Variants in MYH14 observed in about 807,000 individuals in gnomAD.
The protein encoded by MYH14 is myosin-14.
A neutral mutation model predicts 255.5 loss-of-function variants in MYH14; 123 were observed. The observed-to-expected ratio is 0.48, with a 90% CI of 0.42 to 0.56. The LOEUF (loss-of-function observed/expected upper bound fraction) is 0.56, where lower values mean the gene tolerates loss of function less well. Among genes scored for constraint, MYH14 ranks in the 20% least tolerant of loss-of-function variants. MYH14 has a pLI of 0.00. For synonymous variants in MYH14, 1,095 were observed against 1,161.2 expected (o/e 0.94, Z 1.16); for missense variants, 2,423 against 2,802.3 (o/e 0.86, Z 3.06).
intron 10 of MYH14, among the ~76,000 whole-genome samples, chr19:50,241,104 C>T (rs1027759389): frequency 1.8e-4 from 27 of 152,122 alleles, no homozygotes; most frequent in African/African-American, 6.0e-4. Flanking sequence ...GTTGACCAGG[C>T]GGCTGAGGGG....
At position 50,255,768 on chromosome 19, in the gene MYH14, T is replaced by TAATTATCATTTTGAAAATG. The variant is rs2034570342; in HGVS notation, c.2044+452_2044+470dup. Among the ~76,000 whole-genome samples the TAATTATCATTTTGAAAATG allele has an allele frequency of 2.0e-5, 3 of 151,990 alleles. No homozygotes were observed. The South Asian group carries it at 6.3e-4, about 32-fold the overall frequency. On this transcript the variant is annotated intron_variant, in intron 17 of 42. Coordinates refer to ENST00000642316, the MANE Select transcript of MYH14 (RefSeq NM_001145809.2). ...TGTGCTATGAGGACTTAATAAATGATAATTATCATTTTGAAAATGACAGGG... is the reference window on the plus strand; with the variant it reads ...TGTGCTATGAGGACTTAATAAATGATAATTATCATTTTGAAAATGAATTATCATTTTGAAAATGACAGGG...
chr19:50,256,975 C>A (rs143824001), intron 17 of MYH14, among the ~76,000 whole-genome samples: 1,840 of 152,304 alleles, frequency 0.012, 18 homozygotes, highest in Non-Finnish European at 0.02. Flanking sequence ...TTATTGTCAT[C>A]ATTTATTGAT....
chr19:50,232,615 A>G (rs1461781667), intron 10 of MYH14, among the ~76,000 whole-genome samples: 1 of 145,222 alleles, frequency 6.9e-6, no homozygotes. Flanking sequence ...AAAAAAAAAA[A>G]ACAAAAAGAC....
intron 11 of MYH14, among the ~76,000 whole-genome samples, chr19:50,244,641 G>A (rs1207721401): frequency 3.3e-5 from 5 of 151,854 alleles, no homozygotes; most frequent in Non-Finnish European, 7.4e-5. Context: ...CCGCCACCAC[G>A]CCCGGCTAAT....
At chr19:50,309,554 C>T in intron 42 of MYH14, 86 bp from the exon 43 acceptor site, 3 of 839,684 alleles carry the variant, frequency 3.6e-6, no homozygotes, top group Non-Finnish European at 5.8e-6. Context: ...TCTCTCTCTC[C>T]CCCTCATCTC....
intron 27 of MYH14, among the ~76,000 whole-genome samples, chr19:50,275,533 C>T (rs1292665457): frequency 2.0e-5 from 3 of 152,168 alleles, no homozygotes; most frequent in Non-Finnish European, 4.4e-5. Flanking sequence ...AACTGAGGTT[C>T]GAAATGAGTC....
At chr19:50,273,355 C>T (rs1015696543) in intron 27 of MYH14, among the ~76,000 whole-genome samples, 1 of 150,788 alleles carries the variant, frequency 6.6e-6, no homozygotes, top group Non-Finnish European at 1.5e-5. Flanking sequence ...CCTCCCCACA[C>T]CAAACAGCCC....
At chr19:50,292,868 G>C (rs1018177446) in intron 37 of MYH14, among the ~76,000 whole-genome samples, 4 of 151,926 alleles carry the variant, frequency 2.6e-5, no homozygotes, top group African/African-American at 9.7e-5. Context: ...GGAGAAGGCA[G>C]TCAGAAGGCA....
Position 50,249,130 on chromosome 19 carries a change from G to T in MYH14, c.1473G>T (p.Glu491Asp). 6.3e-7 allele frequency: 1 copy of T among 1,582,394 alleles called. No individual in the cohort carries two copies. Residue 491 changes from glutamate (E) to aspartate (D), a missense_variant, in exon 13 of 43, where the codon GAG (glutamate) becomes GAT (aspartate). Physicochemically the swap from Glu to Asp is conservative, Grantham distance 45. Around this residue, in one of 3 missense-constraint regions of MYH14, gnomAD observed 672 missense variants for 881.8 expected, o/e 0.76. Transcript: ENST00000642316. ...GCATCCTGGACATCGCGGGCTTTGA[G>T]ATCTTCCAGGTCCACCCTTGTGCTG... is the stretch of plus-strand genomic sequence containing the variant. ...FLGILDIAGF[E>D]IFQLNSFEQL...
At chr19:50,301,588 A>G (rs2036482394) in intron 39 of MYH14, 73 bp from the exon 40 acceptor site, 1 of 1,147,084 alleles carries the variant, frequency 8.7e-7, no homozygotes, top group Admixed American at 1.8e-5. Context: ...TAATTCTCAG[A>G]GGTGCCTGGA....
intron 27 of MYH14, among the ~76,000 whole-genome samples, chr19:50,275,610 T>TGA (rs1394146283): frequency 6.6e-6 from 1 of 152,094 alleles, no homozygotes; most frequent in East Asian, 1.9e-4. Context: ...GAGGATGACT[T>TGA]GAGGCCAGGA....
At chr19:50,207,257 A>AGAGAG (rs2031827121) in intron 1 of MYH14, among the ~76,000 whole-genome samples, 3 of 26,970 alleles carry the variant, frequency 1.1e-4, no homozygotes, top group Admixed American at 3.9e-4. Context: ...GAGAGAGAGA[A>AGAGAG]AGAGAGAGAG....
chr19:50,307,188 G>C (rs1321082095), intron 41 of MYH14, 31 bp downstream of exon 41: 4 of 1,382,980 alleles, frequency 2.9e-6, no homozygotes, highest in Non-Finnish European at 4.0e-6. Flanking sequence ...GGGAGCAGTG[G>C]AGAGTGTGAC....
At chr19:50,275,884 TG>T in intron 27 of MYH14, 106 bp from the exon 28 acceptor site, 1 of 826,710 alleles carries the variant, frequency 1.2e-6, no homozygotes, top group Non-Finnish European at 1.9e-6. Flanking sequence ...GATTCTAACC[TG>T]GGACTGGCCA....
chr19:50,298,317 G>A (rs1057446263), intron 39 of MYH14, among the ~76,000 whole-genome samples: 7 of 152,060 alleles, frequency 4.6e-5, no homozygotes, highest in African/African-American at 7.2e-5. Flanking sequence ...TAGAGAGAGA[G>A]GTTCTGTTTA....
intron 36 of MYH14, among the ~76,000 whole-genome samples, chr19:50,291,790 G>A (rs551956825): frequency 1.3e-5 from 2 of 152,200 alleles, no homozygotes; most frequent in East Asian, 1.9e-4. Flanking sequence ...GCTTGAATCC[G>A]GGAGGCAGTG....
intron 27 of MYH14, among the ~76,000 whole-genome samples, chr19:50,274,148 T>C (rs1259993091): frequency 6.6e-6 from 1 of 152,214 alleles, no homozygotes; most frequent in Non-Finnish European, 1.5e-5. Flanking sequence ...TGCCGGATGT[T>C]TCTGTTACTA....
At chr19:50,253,442 C>CA (rs35465096) in intron 16 of MYH14, among the ~76,000 whole-genome samples, 5,845 of 118,434 alleles carry the variant, frequency 0.049, 208 homozygotes, top group African/African-American at 0.12. Flanking sequence ...GACTCTGTCC[C>CA]AAAAAAAAAA....
intron 1 of MYH14, among the ~76,000 whole-genome samples, chr19:50,207,843 C>T (rs995117863): frequency 6.6e-6 from 1 of 152,172 alleles, no homozygotes; most frequent in African/African-American, 2.4e-5. Flanking sequence ...TCCCCTCCCA[C>T]CCTCTGCCCC....
Sources: gnomAD v4.1 joint callset for allele counts (sites outside exome capture counted in the v4.1 genomes callset) on GRCh38, gnomAD v4.1.1 for gene constraint, gnomAD v4.1.1 regional missense constraint, MANE v1.5 for transcripts, NCBI Gene and HGNC (gene_info 2026-07-23, HGNC 2026-07-21) for gene names.